Variants in ANK3 observed in about 807,000 individuals in gnomAD.
ANK3 encodes the protein ankyrin 3.
Under a neutral mutation model 370.9 loss-of-function variants are expected in ANK3, and 57 were observed. That is an observed-to-expected ratio of 0.15 (90% CI 0.12 to 0.19). The LOEUF is 0.19. Among genes scored for constraint, ANK3 ranks in the 10% least tolerant of loss-of-function variants. The probability of loss-of-function intolerance (pLI) is 1.00; values close to 1 mark genes in which losing one functional copy is unlikely to be tolerated. For missense variants in ANK3, 4,439 were observed against 5,302.1 expected (o/e 0.84, Z 5.06); for synonymous variants, 1,929 against 1,946.3 (o/e 0.99, Z 0.23).
chr10:60,164,793 G>T (rs1321463838), intron 23 of ANK3, among the ~76,000 whole-genome samples: 2 of 152,186 alleles, frequency 1.3e-5, no homozygotes, highest in East Asian at 1.9e-4. Flanking sequence ...GCAGATGTTT[G>T]CTCAGACTGA....
intron 1 of ANK3, among the ~76,000 whole-genome samples, chr10:60,338,899 T>C (rs890454570): frequency 2.6e-5 from 4 of 151,742 alleles, no homozygotes; most frequent in Non-Finnish European, 4.4e-5. Context: ...TTTAGTTACC[T>C]GAAAGTTTTG....
At position 60,042,696 on chromosome 10, in the gene ANK3, A is replaced by C. The variant is rs749617847; in HGVS notation, c.13129T>G (p.Ser4377Ala). 8 of 1,613,868 alleles carry C rather than the reference A, an allele frequency of 5.0e-6. No individual in the cohort carries two copies. The highest frequency in any genetic ancestry group is 4.4e-5 in the South Asian group (4 of 91,072). Reference sequence around the variant, plus strand: ...CCTTGACTGACCGTTCGCTGTTACGAGTGGCTCTTCTTTTCCACATGCCGG... The same window carrying C: ...CCTTGACTGACCGTTCGCTGTTACGCGTGGCTCTTCTTTTCCACATGCCGG... ...EIRHVEKKSH[S>A] is the part of the protein sequence containing the mutation. The change falls in exon 43 of 44, where the codon TCG (serine) becomes GCG (alanine). Residue 4377 changes from serine to alanine, a missense_variant. Physicochemically the swap from Ser to Ala is moderately conservative, Grantham distance 99. This residue lies in a region of ANK3 where 242 missense variants were observed against 228.0 expected (regional missense o/e 1.06). Coordinates refer to ENST00000280772, the MANE Select transcript of ANK3 (RefSeq NM_020987.5).
rs576887304 is a variant in ANK3 at position 60,151,409 on chromosome 10, CTTAG to C, written c.2615-12326_2615-12323del. 1.3e-3 allele frequency among the ~76,000 whole-genome samples: 205 copies of C among 152,206 alleles called. 1 individual carries two copies. Among genetic ancestry groups the C allele is most frequent in the African/African-American group, 4.6e-3 (192 of 41,532 alleles). On this transcript the variant is annotated intron_variant, in intron 23 of 43. Transcript: ENST00000280772. Reference sequence around the variant, plus strand: ...AGATGTGATGTTAAAAAGAGCCTGGCTTAGTTAGGCTTTTAAGATTCATTCATAC... The same window carrying C: ...AGATGTGATGTTAAAAAGAGCCTGGCTTAGGCTTTTAAGATTCATTCATAC...
chr10:60,625,205 T>A (rs2078392231), intron 1 of ANK3, among the ~76,000 whole-genome samples: 1 of 151,868 alleles, frequency 6.6e-6, no homozygotes, highest in South Asian at 2.1e-4. Context: ...GGCACCAGAC[T>A]TGGGAGTAGA....
intron 2 of ANK3, among the ~76,000 whole-genome samples, chr10:60,585,023 C>T (rs980645794): frequency 3.9e-5 from 6 of 152,198 alleles, no homozygotes; most frequent in Admixed American, 2.6e-4. Context: ...CCTTCAAGAT[C>T]TCTAAAGTCC....
chr10:60,410,633 G>C (rs1376001539), intron 2 of ANK3, among the ~76,000 whole-genome samples: 2 of 152,092 alleles, frequency 1.3e-5, no homozygotes, highest in African/African-American at 4.8e-5. Context: ...TGTGACATGT[G>C]GCACCTCCAG....
chr10:60,068,594 T>C (rs1250701904), intron 37 of ANK3, 43 bp downstream of exon 37: 1 of 1,536,484 alleles, frequency 6.5e-7, no homozygotes. Context: ...TTCTCCAGGA[T>C]GTGAGCAGAG....
intron 23 of ANK3, among the ~76,000 whole-genome samples, chr10:60,153,334 G>GT (rs2095219956): frequency 6.6e-6 from 1 of 152,218 alleles, no homozygotes; most frequent in Non-Finnish European, 1.5e-5. Context: ...GGCTCCTGCA[G>GT]TATTCCATGT....
chr10:60,163,837 T>C (rs1451001570), intron 23 of ANK3, among the ~76,000 whole-genome samples: 1 of 152,210 alleles, frequency 6.6e-6, no homozygotes, highest in Non-Finnish European at 1.5e-5. Context: ...CCTATATTGC[T>C]TATTATTTTT....
At chr10:60,464,006 C>T (rs1595080870) in intron 2 of ANK3, among the ~76,000 whole-genome samples, 3 of 150,322 alleles carry the variant, frequency 2.0e-5, no homozygotes, top group Admixed American at 2.0e-4. Flanking sequence ...TCCAGAAACA[C>T]TGAAAAGATT....
upstream of ANK3, among the ~76,000 whole-genome samples, chr10:60,392,419 T>A (rs569806339): frequency 6.6e-6 from 1 of 152,304 alleles, no homozygotes; most frequent in South Asian, 2.1e-4. Context: ...TACAAGCTCA[T>A]GTGTCTGAGA....
intron 1 of ANK3, among the ~76,000 whole-genome samples, chr10:60,342,130 C>T (rs897771271): frequency 1.3e-5 from 2 of 152,056 alleles, no homozygotes; most frequent in Non-Finnish European, 2.9e-5. Flanking sequence ...TTGCAGTATG[C>T]TGCAATATGA....
upstream of ANK3, among the ~76,000 whole-genome samples, chr10:60,392,966 A>T (rs2063144052): frequency 6.6e-6 from 1 of 152,150 alleles, no homozygotes; most frequent in Admixed American, 6.5e-5. Context: ...AGAAAAAAAA[A>T]GCTAAGGACA....
intron 2 of ANK3, among the ~76,000 whole-genome samples, chr10:60,457,929 C>T (rs1477292708): frequency 6.6e-6 from 1 of 152,034 alleles, no homozygotes; most frequent in Non-Finnish European, 1.5e-5. Flanking sequence ...CAGGCACAAT[C>T]ACGGGTCTGT....
chr10:60,034,529 T>C (rs961724516), intron 43 of ANK3, among the ~76,000 whole-genome samples: 1 of 152,250 alleles, frequency 6.6e-6, no homozygotes, highest in Non-Finnish European at 1.5e-5. Context: ...TCATTGTCTT[T>C]GCTCATGATT....
At chr10:60,452,670 T>A (rs1302195890) in intron 2 of ANK3, among the ~76,000 whole-genome samples, 1 of 152,252 alleles carries the variant, frequency 6.6e-6, no homozygotes. Context: ...TCAAGCTCCA[T>A]CCAATTATGT....
chr10:60,587,914 T>C (rs1417913850), intron 2 of ANK3, among the ~76,000 whole-genome samples: 1 of 152,166 alleles, frequency 6.6e-6, no homozygotes, highest in African/African-American at 2.4e-5. Context: ...GTGATCCTAA[T>C]GAAATGATGG....
intron 2 of ANK3, among the ~76,000 whole-genome samples, chr10:60,458,136 G>A (rs1479733914): frequency 4.6e-5 from 7 of 152,082 alleles, no homozygotes; most frequent in South Asian, 2.1e-4. Flanking sequence ...AATTGCCCAG[G>A]GAAGTTGTGA....
intron 1 of ANK3, among the ~76,000 whole-genome samples, chr10:60,673,507 C>A (rs181713601): frequency 1.3e-5 from 2 of 152,098 alleles, no homozygotes. Flanking sequence ...CCTGCCACCA[C>A]ACCTAGCTAA....
Sources: allele counts gnomAD v4.1 joint callset (sites outside exome capture counted in the v4.1 genomes callset), GRCh38; gene constraint gnomAD v4.1.1; regional missense constraint gnomAD v4.1.1; transcripts MANE v1.5; gene names NCBI Gene and HGNC (gene_info 2026-07-23, HGNC 2026-07-21).